RBL1: variants seen among roughly 807,000 people sequenced by gnomAD.
RBL1 encodes the protein retinoblastoma-like protein 1.
In RBL1, 82 loss-of-function variants were observed where a neutral mutation model predicts 123.0. The observed-to-expected ratio is 0.67, with a 90% CI of 0.56 to 0.80. The LOEUF is 0.80. Ranked by LOEUF, RBL1 falls within the 30% of genes least tolerant of loss-of-function variation. The pLI is 0.00. For synonymous variants in RBL1, 405 were observed against 441.3 expected, an observed-to-expected ratio of 0.92 and a Z score of 1.03; for missense variants, 1,171 against 1,299.6, an observed-to-expected ratio of 0.90 and a Z score of 1.52.
chr20:37,061,194 C>A lies in RBL1; in HGVS notation c.1159G>T (p.Val387Phe). 1 of 1,614,096 alleles carries A rather than the reference C, an allele frequency of 6.2e-7. No individual in the cohort carries two copies. Among genetic ancestry groups the A allele is most frequent in the Non-Finnish European group, 8.5e-7 (1 of 1,179,990 alleles). ...CTCACACTTTGGGTGGCTGATGCAA[C>A]AGGAGTAATGACTGCTTCTTTTTCT... ...LREKEAVITPVASATQSVSRL... is the reference protein window; with the variant it reads ...LREKEAVITPFASATQSVSRL... Residue 387 changes from valine (V) to phenylalanine (F), a missense_variant, in exon 9 of 22, where the codon GTT becomes TTT. Coordinates refer to ENST00000373664, the MANE Select transcript of RBL1 (RefSeq NM_002895.5).
intron 19 of RBL1, among the ~76,000 whole-genome samples, chr20:37,012,629 A>T (rs1307621025): frequency 1.5e-5 from 2 of 133,668 alleles, no homozygotes; most frequent in African/African-American, 6.4e-5. Context: ...TCCGCCCAGC[A>T]GCCACCCCGT....
intron 19 of RBL1, among the ~76,000 whole-genome samples, chr20:37,013,444 A>T (rs2064198354): frequency 6.6e-6 from 1 of 151,676 alleles, no homozygotes; most frequent in Non-Finnish European, 1.5e-5. Flanking sequence ...CCGGGACACA[A>T]ACACTGCGGA....
chr20:37,004,477 C>G (rs1248897368), intron 20 of RBL1, among the ~76,000 whole-genome samples: 3 of 150,814 alleles, frequency 2.0e-5, no homozygotes, highest in Non-Finnish European at 3.0e-5. Flanking sequence ...CTTTGGGAGG[C>G]TGAGATGGGC....
chr20:37,003,681 C>T (rs1374786076), intron 21 of RBL1, 21 bp downstream of exon 21: 1 of 1,563,200 alleles, frequency 6.4e-7, no homozygotes, highest in South Asian at 1.2e-5. Context: ...TGAAATCCAA[C>T]TTTTAGCCTA....
intron 2 of RBL1, among the ~76,000 whole-genome samples, chr20:37,069,600 G>A (rs1306019171): frequency 4.0e-5 from 6 of 149,880 alleles, no homozygotes; most frequent in Non-Finnish European, 7.4e-5. Context: ...CCCTCTGCCC[G>A]GCAACCGCCC....
At chr20:37,032,550 G>A (rs2064529818) in intron 16 of RBL1, 115 bp downstream of exon 16, 1 of 1,477,024 alleles carries the variant, frequency 6.8e-7, no homozygotes, top group South Asian at 1.4e-5. Context: ...TGGTTAAAAT[G>A]GTAAATTTTG....
chr20:37,022,383 G>C (rs753394494), intron 17 of RBL1, among the ~76,000 whole-genome samples: 2 of 152,212 alleles, frequency 1.3e-5, no homozygotes, highest in African/African-American at 2.4e-5. Flanking sequence ...CTGAGGTACA[G>C]TGTCATGATC....
At chr20:37,007,262 A>G (rs755423301) in intron 20 of RBL1, 149 bp downstream of exon 20, 1 of 815,180 alleles carries the variant, frequency 1.2e-6, no homozygotes, top group Non-Finnish European at 1.9e-6. Context: ...TCTCTGTTGT[A>G]CCATAGCCTT....
intron 17 of RBL1, among the ~76,000 whole-genome samples, chr20:37,021,025 A>C (rs2146227022): frequency 6.6e-6 from 1 of 152,374 alleles, no homozygotes; most frequent in East Asian, 1.9e-4. Flanking sequence ...AAGAAAACTC[A>C]GATCTGTTTA....
intron 11 of RBL1, among the ~76,000 whole-genome samples, chr20:37,050,291 C>T (rs892510452): frequency 1.3e-5 from 2 of 151,832 alleles, no homozygotes; most frequent in African/African-American, 4.8e-5. Flanking sequence ...CGCCTGTAAT[C>T]CCAGCACTTT....
At chr20:37,000,775 G>T (rs2063961122) in intron 21 of RBL1, among the ~76,000 whole-genome samples, 1 of 138,546 alleles carries the variant, frequency 7.2e-6, no homozygotes, top group African/African-American at 2.7e-5. Flanking sequence ...GAGGCGGGGG[G>T]GTCAGCCCCC....
At chr20:37,080,569 G>A (rs375177023) in intron 2 of RBL1, among the ~76,000 whole-genome samples, 1 of 148,076 alleles carries the variant, frequency 6.8e-6, no homozygotes, top group South Asian at 2.2e-4. Flanking sequence ...GGTGATTCTC[G>A]TTTCTAAGCC....
intron 18 of RBL1, among the ~76,000 whole-genome samples, chr20:37,019,914 G>A (rs978353295): frequency 6.6e-6 from 1 of 152,006 alleles, no homozygotes; most frequent in Non-Finnish European, 1.5e-5. Flanking sequence ...ACCACGGTCA[G>A]AACAATATAA....
At chr20:37,009,043 G>C (rs1280233227) in intron 19 of RBL1, among the ~76,000 whole-genome samples, 3 of 136,698 alleles carry the variant, frequency 2.2e-5, no homozygotes, top group Non-Finnish European at 4.7e-5. Flanking sequence ...TTTTTTTTTT[G>C]AGACGGAGTC....
chr20:37,059,317 T>C (rs2065059202), intron 9 of RBL1, among the ~76,000 whole-genome samples: 1 of 152,216 alleles, frequency 6.6e-6, no homozygotes, highest in Non-Finnish European at 1.5e-5. Context: ...AGAGCTCAGC[T>C]ATGTTCAGCT....
chr20:37,015,491 C>T (rs956512631), intron 19 of RBL1, among the ~76,000 whole-genome samples: 1 of 151,166 alleles, frequency 6.6e-6, no homozygotes, highest in Non-Finnish European at 1.5e-5. Flanking sequence ...AGTGCAGTGG[C>T]GCGATCTCCG....
intron 16 of RBL1, among the ~76,000 whole-genome samples, chr20:37,024,215 G>C (rs553548725): frequency 1.3e-5 from 2 of 152,220 alleles, no homozygotes; most frequent in Admixed American, 6.5e-5. Flanking sequence ...AATATAAAGA[G>C]AGACAAACAG....
At chr20:37,087,816 C>G (rs375602841) in intron 2 of RBL1, among the ~76,000 whole-genome samples, 1 of 152,088 alleles carries the variant, frequency 6.6e-6, no homozygotes, top group Non-Finnish European at 1.5e-5. Flanking sequence ...AAAACTAGAA[C>G]AGAGTTAGCA....
intron 19 of RBL1, among the ~76,000 whole-genome samples, chr20:37,016,884 A>AGAAAT (rs369053710): frequency 8.6e-6 from 1 of 115,816 alleles, no homozygotes; most frequent in Non-Finnish European, 1.9e-5. Flanking sequence ...ATCCTGTCTC[A>AGAAAT]GAAAAGAAAA....
Sources: allele counts gnomAD v4.1 joint callset (sites outside exome capture counted in the v4.1 genomes callset), GRCh38; gene constraint gnomAD v4.1.1; transcripts MANE v1.5; gene names NCBI Gene and HGNC (gene_info 2026-07-23, HGNC 2026-07-21).